The following SAFB variants were observed in gnomAD, a reference collection of about 807,000 sequenced individuals.
The protein encoded by SAFB is scaffold attachment factor B1.
Under a neutral mutation model 101.6 loss-of-function variants are expected in SAFB, and 15 were observed. That is an observed-to-expected ratio of 0.15 (90% CI 0.10 to 0.23). SAFB has a LOEUF of 0.23. SAFB is among the 10% of genes least tolerant of loss of function. SAFB has a pLI of 1.00. For missense variants in SAFB, 930 were observed against 1,104.1 expected (o/e 0.84, Z 2.23); for synonymous variants, 449 against 407.5 (o/e 1.10, Z -1.23).
intron 14 of SAFB, among the ~76,000 whole-genome samples, chr19:5,657,906 G>A (rs1238343861): frequency 1.3e-5 from 2 of 152,178 alleles, no homozygotes; most frequent in South Asian, 2.1e-4. Context: ...GCCTTCCAGC[G>A]TCAGTAGTGC....
chr19:5,639,979 A>G (rs2053671329), intron 2 of SAFB, among the ~76,000 whole-genome samples: 1 of 151,824 alleles, frequency 6.6e-6, no homozygotes, highest in Non-Finnish European at 1.5e-5. Flanking sequence ...CTGGGATTAC[A>G]GTCATGCCCC....
At position 5,638,581 on chromosome 19, in the gene SAFB, C is replaced by G. The variant is rs566329477; in HGVS notation, c.275-3013C>G. 6.6e-4 allele frequency among the ~76,000 whole-genome samples: 101 copies of G among 152,112 alleles called. 1 individual carries two copies. The highest frequency in any genetic ancestry group is 2.4e-3 in the African/African-American group (100 of 41,488). Reference sequence around the variant, plus strand: ...CAGGTGACCCACCCACCTCGACCTCCCAAAGTGCTGAGATTACAGGTGTGA... The same window carrying G: ...CAGGTGACCCACCCACCTCGACCTCGCAAAGTGCTGAGATTACAGGTGTGA... On this transcript the variant is annotated intron_variant, in intron 2 of 20. Transcript: ENST00000588852.
At chr19:5,668,075 A>T in intron 20 of SAFB, 87 bp from the exon 21 acceptor site, 1 of 1,537,082 alleles carries the variant, frequency 6.5e-7, no homozygotes, top group Non-Finnish European at 8.8e-7. Flanking sequence ...CCCTGCCTGC[A>T]GGCAACACTC....
intron 2 of SAFB, among the ~76,000 whole-genome samples, chr19:5,635,385 C>T (rs1372745871): frequency 6.6e-6 from 1 of 152,052 alleles, no homozygotes; most frequent in Non-Finnish European, 1.5e-5. Context: ...CATCTCATCA[C>T]AAGCTTATTT....
At chr19:5,653,596 T>G (rs1001083851) in intron 11 of SAFB, among the ~76,000 whole-genome samples, 176 bp downstream of exon 11, 1 of 151,832 alleles carries the variant, frequency 6.6e-6, no homozygotes, top group Non-Finnish European at 1.5e-5. Context: ...CTCCTGAGTA[T>G]CTGGGACTAA....
In SAFB at chr19:5,640,132, C is replaced by A. The variant is rs2053675161; in HGVS notation, c.275-1462C>A. Among the ~76,000 whole-genome samples, 4 of 151,752 alleles carry A rather than the reference C, an allele frequency of 2.6e-5. No individual in the cohort carries two copies. In the South Asian group the frequency reaches 8.3e-4, roughly 32 times the overall value. On this transcript the variant is annotated intron_variant, in intron 2 of 20. Transcript: ENST00000588852. ...GCCTCCCAAGTGCTGGGATTACAGG[C>A]GTGAGCCACCGCGCCTGGCTGGAGC...
rs140484055 is a variant in SAFB at position 5,656,961 on chromosome 19, C to T, written c.1756-280C>T. Among the ~76,000 whole-genome samples, 852 of 151,912 alleles carry T rather than the reference C, an allele frequency of 5.6e-3. 3 individuals are homozygous for T. Among genetic ancestry groups the T allele is most frequent in the Non-Finnish European group, 8.3e-3 (564 of 67,946 alleles). On this transcript the variant is annotated intron_variant, in intron 13 of 20. Transcript: ENST00000588852. ...AATTTTTTTGTATTTTTAGTAGAGACGGGGTTTCACCGTGTTAGCCAAGAT... is the reference window on the plus strand; with the variant it reads ...AATTTTTTTGTATTTTTAGTAGAGATGGGGTTTCACCGTGTTAGCCAAGAT...
rs1277444689 is a variant in SAFB, at chr19:5,635,745, C to A, written c.275-5849C>A. Among the ~76,000 whole-genome samples, 3 of 152,176 alleles carry A rather than the reference C, an allele frequency of 2.0e-5. No homozygotes were observed. In the East Asian group the frequency reaches 5.8e-4, roughly 29 times the overall value. On this transcript the variant is annotated intron_variant, in intron 2 of 20. Coordinates refer to ENST00000588852, the MANE Select transcript of SAFB (RefSeq NM_001201338.2). ...CTTAACAGAAGGCAAGAGATGGAAT[C>A]CCAGGCAGGGAGCTACGAGCAGGCG...
At position 5,667,833 on chromosome 19, in the gene SAFB, C is replaced by A. The variant is rs773258079; in HGVS notation, c.2571C>A (p.Ser857Arg). Residue 857 changes from serine (S) to arginine (R), a missense_variant, in exon 20 of 21, where the codon AGC becomes AGA. By Grantham distance (110) the Ser-to-Arg change is moderately radical. Coordinates refer to ENST00000588852, the MANE Select transcript of SAFB (RefSeq NM_001201338.2). The surrounding 1 kb of genome is among the most constrained non-coding windows in gnomAD (Gnocchi z 4.0). ...TCTGTCTTCCAGGTGGCGAGAGAAG[C>A]ATGTCCGGTCACTCCGGGCCTGGCC... ...DHKRWQGGER[S>R]MSGHSGPGHM... 6.2e-7 allele frequency: 1 copy of A among 1,613,840 alleles called. No homozygotes were observed. The highest frequency in any genetic ancestry group is 8.5e-7 in the Non-Finnish European group (1 of 1,179,900).
chr19:5,623,218 C>A lies in SAFB; in HGVS notation c.13C>A (p.Leu5Met), dbSNP rs1314472954. The A allele has an allele frequency of 6.3e-7, 1 of 1,596,514 alleles. No homozygotes were observed. The highest frequency in any genetic ancestry group is 8.5e-7 in the Non-Finnish European group (1 of 1,172,010). MAETLSGLGDSGAAG... is the reference protein window; with the variant it reads MAETMSGLGDSGAAG... ...CAGGGTCCCTGGAATGGCGGAGACT[C>A]TGTCAGGCCTAGGTGATTCTGGAGC... is the stretch of plus-strand genomic sequence containing the variant. Residue 5 changes from leucine to methionine, a missense_variant, in exon 1 of 21, where the codon CTG becomes ATG. Leu to Met is a conservative substitution (Grantham distance 15, BLOSUM62 2). Coordinates refer to ENST00000588852, the MANE Select transcript of SAFB (RefSeq NM_001201338.2).
At chr19:5,660,704 C>CAAAAA (rs60011056) in intron 14 of SAFB, among the ~76,000 whole-genome samples, 2 of 76,586 alleles carry the variant, frequency 2.6e-5, no homozygotes, top group Admixed American at 1.6e-4. Flanking sequence ...CCATCTCTAC[C>CAAAAA]AAAAAAAAAA....
intron 2 of SAFB, among the ~76,000 whole-genome samples, chr19:5,634,804 T>C (rs2053561100): frequency 6.6e-6 from 1 of 152,126 alleles, no homozygotes. Context: ...TAGCAAATTT[T>C]GAAATGACAT....
chr19:5,641,627 A>G lies in SAFB; in HGVS notation c.308A>G (p.Asn103Ser). Residue 103 changes from asparagine (N) to serine (S), a missense_variant, in exon 3 of 21, where the codon AAC becomes AGC. Coordinates refer to ENST00000588852, the MANE Select transcript of SAFB (RefSeq NM_001201338.2). ...RKPEEEGVED[N>S]GLEENSGDGQ... ...CCAGAAGAAGAGGGTGTGGAAGATA[A>G]CGGGCTGGAGGAAAACTCTGGGGAT... 1.2e-6 allele frequency: 2 copies of G among 1,614,036 alleles called. No homozygotes were observed. The highest frequency in any genetic ancestry group is 1.7e-6 in the Non-Finnish European group (2 of 1,180,002).
At chr19:5,633,165 A>G (rs2053525282) in intron 2 of SAFB, among the ~76,000 whole-genome samples, 1 of 151,942 alleles carries the variant, frequency 6.6e-6, no homozygotes, top group Non-Finnish European at 1.5e-5. Flanking sequence ...TAATTTTGTT[A>G]TTGTTTGTTT....
chr19:5,662,813 G>GT (rs572381077), intron 15 of SAFB, among the ~76,000 whole-genome samples: 127 of 148,102 alleles, frequency 8.6e-4, no homozygotes, highest in Non-Finnish European at 1.6e-3. Flanking sequence ...GCTAATTTTT[G>GT]TTTTTTTTAG....
At chr19:5,636,984 T>C (rs1434323037) in intron 2 of SAFB, among the ~76,000 whole-genome samples, 1 of 151,578 alleles carries the variant, frequency 6.6e-6, no homozygotes, top group African/African-American at 2.4e-5. Context: ...GCTGGGATTA[T>C]AGGTGTGAGC....
chr19:5,628,692 G>C (rs2053422367), intron 2 of SAFB, among the ~76,000 whole-genome samples: 1 of 152,206 alleles, frequency 6.6e-6, no homozygotes. Flanking sequence ...TCAGGCCCCA[G>C]TGTCAGCCAC....
At position 5,667,158 on chromosome 19, in the gene SAFB, C is replaced by T. The variant is rs2054347036; in HGVS notation, c.2447C>T (p.Pro816Leu). The change falls in exon 18 of 21, where the codon CCC becomes CTC. Residue 816 changes from proline to leucine, a missense_variant. Physicochemically the swap from Pro to Leu is moderately conservative, Grantham distance 98. This residue lies in a region of SAFB where 318 missense variants were observed against 342.6 expected (regional missense o/e 0.93). Coordinates refer to ENST00000588852, the MANE Select transcript of SAFB (RefSeq NM_001201338.2). The surrounding 1 kb of genome is among the most constrained non-coding windows in gnomAD (Gnocchi z 4.0). The part of the protein sequence containing the change: ...RMSEGRGLPP[P>L]PRGRRDWGDH... ...AGCGAGGGCCGGGGGCTGCCTCCTC[C>T]CCCCAGGTTTGTGTCCCACACCCGA... The T allele has an allele frequency of 1.3e-6, 2 of 1,587,102 alleles. No homozygotes were observed. The highest frequency in any genetic ancestry group is 2.2e-5 in the South Asian group (2 of 90,212).
At chr19:5,664,790 G>T in intron 17 of SAFB, 2 of 279,152 alleles carry the variant, frequency 7.2e-6, no homozygotes, top group East Asian at 1.9e-4. Context: ...AGGTGCATCT[G>T]GGGAGGCTGT....
Sources: gnomAD v4.1 joint callset for allele counts (sites outside exome capture counted in the v4.1 genomes callset) on GRCh38, gnomAD v4.1.1 for gene constraint, gnomAD v4.1.1 regional missense constraint, Gnocchi (gnomAD v3.1) non-coding constraint, MANE v1.5 for transcripts, NCBI Gene and HGNC (gene_info 2026-07-23, HGNC 2026-07-21) for gene names.